SEC24D: variants seen among roughly 807,000 people sequenced by gnomAD.
SEC24D encodes the protein SEC24 homolog D, COPII component.
In SEC24D, 69 loss-of-function variants were observed where a neutral mutation model predicts 116.9. The observed-to-expected ratio is 0.59, with a 90% CI of 0.49 to 0.72. The LOEUF is 0.72. Among genes scored for constraint, SEC24D ranks in the 30% least tolerant of loss-of-function variants. The pLI, the probability that SEC24D is intolerant of heterozygous loss-of-function variation, is 0.00. For synonymous variants in SEC24D, 405 were observed against 442.8 expected (o/e 0.91, Z 1.07); for missense variants, 1,131 against 1,264.1 (o/e 0.89, Z 1.60).
rs116332559 is a variant in SEC24D at position 118,796,985 on chromosome 4, T to C, written c.1041+698A>G. On this transcript the variant is annotated intron_variant, in intron 8 of 22. Coordinates refer to ENST00000280551, the MANE Select transcript of SEC24D (RefSeq NM_014822.4). Reference sequence around the variant, plus strand: ...GCTTTTCTTCCCCTGTGTGACTTGCTCTGCTATAGTGCCTGTGTTTCTGTG... The same window carrying C: ...GCTTTTCTTCCCCTGTGTGACTTGCCCTGCTATAGTGCCTGTGTTTCTGTG... 8.7e-3 allele frequency among the ~76,000 whole-genome samples: 1,323 copies of C among 152,310 alleles called. 10 individuals carry two copies. Among genetic ancestry groups the C allele is most frequent in the Non-Finnish European group, 0.013 (906 of 68,016 alleles).
chr4:118,741,680 T>C (rs1308417150), intron 15 of SEC24D, among the ~76,000 whole-genome samples: 1 of 152,082 alleles, frequency 6.6e-6, no homozygotes, highest in Non-Finnish European at 1.5e-5. Context: ...ACTTGACACA[T>C]AGGAGAGACA....
chr4:118,788,688 T>C (rs1430723508), intron 8 of SEC24D, among the ~76,000 whole-genome samples: 1 of 152,262 alleles, frequency 6.6e-6, no homozygotes, highest in Non-Finnish European at 1.5e-5. Context: ...TAAATGAAGT[T>C]GGTAGTCATT....
intron 6 of SEC24D, among the ~76,000 whole-genome samples, chr4:118,810,074 C>CTCTGTGTGTGTGTGTG (rs776835322): frequency 2.3e-4 from 9 of 38,620 alleles, no homozygotes; most frequent in Non-Finnish European, 4.4e-4. Context: ...TCAGAGGTAG[C>CTCTGTGTGTGTGTGTG]TGTGTGTGTG....
intron 3 of SEC24D, among the ~76,000 whole-genome samples, chr4:118,817,842 C>G (rs1299727562): frequency 6.6e-6 from 1 of 152,040 alleles, no homozygotes; most frequent in Non-Finnish European, 1.5e-5. Flanking sequence ...AATTCAAGAC[C>G]AGCCTGGGCA....
intron 8 of SEC24D, among the ~76,000 whole-genome samples, chr4:118,791,544 C>G (rs957531312): frequency 9.9e-5 from 15 of 152,166 alleles, no homozygotes; most frequent in Non-Finnish European, 2.1e-4. Flanking sequence ...TCCCTCCTCT[C>G]TCTCCCTCCA....
In SEC24D at chr4:118,827,950, A is replaced by G. The variant is rs188124299; in HGVS notation, c.119-3201T>C. The stretch of plus-strand genomic sequence containing the variant: ...ATTAAAAGCCATTTGTTGGGGGGGG[A>G]AAATGTTTATCTAAAATAAACAAAG... On this transcript the variant is annotated intron_variant, in intron 2 of 22. Transcript: ENST00000280551. Among the ~76,000 whole-genome samples, 1,182 of 150,832 alleles carry G rather than the reference A, an allele frequency of 7.8e-3. 9 individuals are homozygous for G. Among genetic ancestry groups the G allele is most frequent in the African/African-American group, 0.013 (540 of 40,326 alleles).
At chr4:118,826,385 G>C (rs1348490328) in intron 2 of SEC24D, among the ~76,000 whole-genome samples, 1 of 152,152 alleles carries the variant, frequency 6.6e-6, no homozygotes, top group Non-Finnish European at 1.5e-5. Context: ...CAATGGATAT[G>C]ACGGTTTTTA....
In SEC24D at chr4:118,757,453, C is replaced by T. The variant is rs77353626; in HGVS notation, c.1421+268G>A. 6.0e-4 allele frequency among the ~76,000 whole-genome samples: 91 copies of T among 152,286 alleles called. 3 individuals are homozygous for T. In the East Asian group the frequency reaches 0.018, roughly 29 times the overall value. ...CACATCCAAAGTCTTTCCTACCACA[C>T]TGTTGGGATTCTTCTTATAATTTAT... On this transcript the variant is annotated intron_variant, in intron 11 of 22. Transcript: ENST00000280551.
intron 15 of SEC24D, among the ~76,000 whole-genome samples, chr4:118,741,380 A>T (rs937942838): frequency 6.6e-6 from 1 of 152,146 alleles, no homozygotes; most frequent in Admixed American, 6.5e-5. Context: ...ATACCCGTTT[A>T]ATGAGGCTAG....
chr4:118,787,695 C>T (rs1251943989), intron 8 of SEC24D, among the ~76,000 whole-genome samples: 1 of 152,088 alleles, frequency 6.6e-6, no homozygotes, highest in Non-Finnish European at 1.5e-5. Flanking sequence ...GCCGTGGTCC[C>T]TATTTGGGTG....
chr4:118,728,632 C>A lies in SEC24D; in HGVS notation c.2887G>T (p.Gly963Ter). 6.2e-7 allele frequency: 1 copy of A among 1,606,980 alleles called. No homozygotes were observed. Among genetic ancestry groups the A allele is most frequent in the Non-Finnish European group, 8.5e-7 (1 of 1,174,582 alleles). ...NTDMTLLPEV[G>*]NPYSQQLRMI... ...CTGAGTTGTTGAGAGTATGGGTTTC[C>A]CACTTCAGGCAGCAATGTCTTAGAT... Residue 963 changes from glycine (G) to a stop codon, truncating the protein, a stop_gained, in exon 22 of 23, where the codon GGA becomes TGA. Coordinates refer to ENST00000280551, the MANE Select transcript of SEC24D (RefSeq NM_014822.4). LOFTEE classifies it high-confidence loss of function.
chr4:118,786,380 C>G (rs933520285), intron 8 of SEC24D, among the ~76,000 whole-genome samples: 1 of 152,032 alleles, frequency 6.6e-6, no homozygotes, highest in Non-Finnish European at 1.5e-5. Context: ...AACTTGATTT[C>G]TATGAAGCTT....
intron 2 of SEC24D, among the ~76,000 whole-genome samples, chr4:118,833,081 A>AG (rs1560775276): frequency 2.6e-5 from 4 of 152,104 alleles, no homozygotes; most frequent in Non-Finnish European, 5.9e-5. Context: ...TATACATTCT[A>AG]CCTAGCACAG....
chr4:118,755,599 G>C (rs1453374875), intron 11 of SEC24D, among the ~76,000 whole-genome samples: 1 of 151,972 alleles, frequency 6.6e-6, no homozygotes, highest in African/African-American at 2.4e-5. Flanking sequence ...TAAATTCAAA[G>C]TTAAATAGTA....
intron 7 of SEC24D, among the ~76,000 whole-genome samples, chr4:118,799,859 G>C (rs995088378): frequency 6.6e-6 from 1 of 152,218 alleles, no homozygotes; most frequent in Non-Finnish European, 1.5e-5. Context: ...TTTTGCTGTA[G>C]AGGGGTGGAA....
intron 2 of SEC24D, among the ~76,000 whole-genome samples, chr4:118,828,404 C>T (rs991148184): frequency 6.6e-6 from 1 of 152,146 alleles, no homozygotes; most frequent in Non-Finnish European, 1.5e-5. Context: ...CCACCGCACC[C>T]GGCCTTACAT....
At chr4:118,834,358 T>G (rs1731002182) in intron 1 of SEC24D, among the ~76,000 whole-genome samples, 1 of 152,216 alleles carries the variant, frequency 6.6e-6, no homozygotes, top group Non-Finnish European at 1.5e-5. Flanking sequence ...ACAGAATTTC[T>G]TTCTAATTTA....
At chr4:118,791,786 A>C (rs887444409) in intron 8 of SEC24D, among the ~76,000 whole-genome samples, 1 of 152,136 alleles carries the variant, frequency 6.6e-6, no homozygotes, top group Non-Finnish European at 1.5e-5. Flanking sequence ...TCGGCCTCCC[A>C]AAGTGCCGGG....
At chr4:118,724,936 T>TA (rs976224841) in intron 22 of SEC24D, among the ~76,000 whole-genome samples, 36 of 152,330 alleles carry the variant, frequency 2.4e-4, no homozygotes, top group African/African-American at 8.2e-4. Context: ...CACATGCAGT[T>TA]AGCTGCTTCA....
Sources: gnomAD v4.1 joint callset for allele counts (sites outside exome capture counted in the v4.1 genomes callset) on GRCh38, gnomAD v4.1.1 for gene constraint, MANE v1.5 for transcripts, NCBI Gene and HGNC (gene_info 2026-07-23, HGNC 2026-07-21) for gene names.